Variants in EOGT observed in about 807,000 individuals in gnomAD.
EOGT encodes EGF domain specific O-linked N-acetylglucosamine transferase.
A neutral mutation model predicts 70.5 loss-of-function variants in EOGT; 55 were observed. The observed-to-expected ratio is 0.78, with a 90% CI of 0.63 to 0.98. EOGT has a LOEUF of 0.98. Ranked by LOEUF, EOGT falls within the 50% of genes least tolerant of loss-of-function variation. The pLI is 0.00. For missense variants in EOGT, 703 were observed against 641.9 expected (o/e 1.10, Z -1.03); for synonymous variants, 246 against 217.1 (o/e 1.13, Z -1.17).
At chr3:68,978,004 A>C (rs1002607498) in intron 17 of EOGT, among the ~76,000 whole-genome samples, 3 of 152,250 alleles carry the variant, frequency 2.0e-5, no homozygotes, top group Non-Finnish European at 4.4e-5. Flanking sequence ...GTGCATAAAC[A>C]GACAGGCATG....
chr3:68,988,720 A>G, intron 11 of EOGT, 143 bp from the exon 12 acceptor site: 3 of 650,540 alleles, frequency 4.6e-6, no homozygotes, highest in East Asian at 5.5e-5. Flanking sequence ...AAGAGAACAG[A>G]ATTCATATTT....
At position 68,982,802 on chromosome 3, in the gene EOGT, A is replaced by G. The variant is rs1397976276; in HGVS notation, c.1214+9T>C. ...TTGACAGTGTCTGCTGAGATTGGCTATTACTTACCTATACTTGTAATCAAC... is the reference window on the plus strand; with the variant it reads ...TTGACAGTGTCTGCTGAGATTGGCTGTTACTTACCTATACTTGTAATCAAC... On this transcript the variant is annotated intron_variant, in intron 15 of 17. Transcript: ENST00000383701. 1.9e-6 allele frequency: 3 copies of G among 1,598,084 alleles called. No individual in the cohort carries two copies. Among genetic ancestry groups the G allele is most frequent in the Non-Finnish European group, 2.6e-6 (3 of 1,171,620 alleles).
At chr3:68,997,967 C>A (rs1370394295) in intron 10 of EOGT, 44 bp downstream of exon 10, 2 of 1,138,042 alleles carry the variant, frequency 1.8e-6, no homozygotes, top group South Asian at 2.8e-5. Context: ...CACACTGATA[C>A]AAGGGAAAGA....
At chr3:68,986,201 G>A (rs1474381242) in intron 14 of EOGT, among the ~76,000 whole-genome samples, 2 of 152,148 alleles carry the variant, frequency 1.3e-5, no homozygotes, top group African/African-American at 4.8e-5. Flanking sequence ...GGGCTCACGT[G>A]GATGATCCAA....
chr3:68,985,560 G>A (rs952084963), intron 14 of EOGT, among the ~76,000 whole-genome samples: 4 of 152,070 alleles, frequency 2.6e-5, no homozygotes, highest in Non-Finnish European at 4.4e-5. Context: ...TACCTTTCCT[G>A]GCCTTCTCTA....
At chr3:68,991,734 G>A (rs1011912389) in intron 10 of EOGT, among the ~76,000 whole-genome samples, 9 of 152,138 alleles carry the variant, frequency 5.9e-5, no homozygotes, top group Admixed American at 5.2e-4. Flanking sequence ...TTGAGGCCAG[G>A]AGTTCAAGAC....
chr3:68,997,951 G>A lies in EOGT; in HGVS notation c.831+60C>T. ...TTGAAAATTCTGTTTCACAACATCA[G>A]AGTCACACACTGATACAAGGGAAAG... On this transcript the variant is annotated intron_variant, in intron 10 of 17. Coordinates refer to ENST00000383701, the MANE Select transcript of EOGT (RefSeq NM_001278689.2). 4 of 982,574 alleles carry A rather than the reference G, an allele frequency of 4.1e-6. No homozygotes were observed. The South Asian group carries it at 6.2e-5, about 15-fold the overall frequency. 60.9% of individuals were successfully genotyped at this position (982,574 alleles called of 1,614,324 possible).
In EOGT at chr3:68,994,337, T is replaced by C. The variant is rs151104445; in HGVS notation, c.831+3674A>G. ...TTAGCCTGGGTGACATATTTGCACTTATTAAAATAAAGAGAGTCCTGCAAG... is the reference window on the plus strand; with the variant it reads ...TTAGCCTGGGTGACATATTTGCACTCATTAAAATAAAGAGAGTCCTGCAAG... On this transcript the variant is annotated intron_variant, in intron 10 of 17. Coordinates refer to ENST00000383701, the MANE Select transcript of EOGT (RefSeq NM_001278689.2). Among the ~76,000 whole-genome samples the C allele has an allele frequency of 5.1e-3, 777 of 152,240 alleles. 10 individuals are homozygous for C. The highest frequency in any genetic ancestry group is 0.018 in the African/African-American group (744 of 41,542).
intron 13 of EOGT, 100 bp from the exon 14 acceptor site, chr3:68,987,613 A>C: frequency 1.2e-6 from 1 of 848,840 alleles, no homozygotes; most frequent in Non-Finnish European, 1.9e-6. Flanking sequence ...GATGAAACTC[A>C]ACCAGGATAC....
At chr3:68,998,245 T>G in intron 9 of EOGT, 131 bp from the exon 10 acceptor site, 1 of 611,212 alleles carries the variant, frequency 1.6e-6, no homozygotes. Context: ...AATAACTGTT[T>G]TGTTTTTCCA....
rs763882124 is a variant in EOGT at position 68,975,353 on chromosome 3, C to T, written c.*2265G>A. Reference sequence around the variant, plus strand: ...ACAATTTGAAGACCTTCTGTTCCCACAAAAAGTCTCATAAAATTCCATAAA... The same window carrying T: ...ACAATTTGAAGACCTTCTGTTCCCATAAAAAGTCTCATAAAATTCCATAAA... On this transcript the variant is annotated 3_prime_UTR_variant, in exon 18 of 18. Transcript: ENST00000383701. The T allele has an allele frequency of 5.2e-5, 8 of 152,586 alleles. No individual in the cohort carries two copies. The highest frequency in any genetic ancestry group is 1.2e-4 in the Non-Finnish European group (8 of 68,026). The allele number at this position is 152,586 out of a possible 1,614,324, so 9.5% of individuals were successfully genotyped here.
At position 69,004,416 on chromosome 3, in the gene EOGT, C is replaced by T. The variant is rs778090549; in HGVS notation, c.582G>A (p.Leu194=). 5 of 1,613,994 alleles carry T rather than the reference C, an allele frequency of 3.1e-6. No individual in the cohort carries two copies. Among genetic ancestry groups the T allele is most frequent in the Non-Finnish European group, 4.2e-6 (5 of 1,180,004 alleles). Residue 194 remains leucine, a synonymous_variant, in exon 8 of 18, where the codon TTG becomes TTA. Transcript: ENST00000383701. ...GGCTTTTGCGCTGACCTTCAGACGT[C>T]AATGTACGGATGTCAAGTTTACAGT... The part of the protein sequence containing the change: ...GGHCKLDIRT[L]TSEGQRKSPL...
chr3:68,998,326 A>T lies in EOGT; in HGVS notation c.728-212T>A, dbSNP rs142106444. On this transcript the variant is annotated intron_variant, in intron 9 of 17. Transcript: ENST00000383701. ...TGCCTGGGTTTCAAAAGTCACTCTA[A>T]AATTGGTTATTTAAAATCAGGAATG... 7.4e-3 allele frequency among the ~76,000 whole-genome samples: 1,121 copies of T among 152,332 alleles called. 11 individuals carry two copies. Among genetic ancestry groups the T allele is most frequent in the Non-Finnish European group, 0.012 (829 of 68,024 alleles).
At chr3:69,004,740 C>G (rs1473946916) in intron 7 of EOGT, among the ~76,000 whole-genome samples, 1 of 152,084 alleles carries the variant, frequency 6.6e-6, no homozygotes, top group Non-Finnish European at 1.5e-5. Context: ...TCCCCAACCC[C>G]TCTGCCATAT....
intron 8 of EOGT, among the ~76,000 whole-genome samples, chr3:69,002,851 A>G (rs2091335295): frequency 6.6e-6 from 1 of 152,028 alleles, no homozygotes; most frequent in South Asian, 2.1e-4. Context: ...TTTCTTTTTT[A>G]GAGATGAGGT....
At chr3:69,005,279 A>G in intron 6 of EOGT, 45 bp from the exon 7 acceptor site, 1 of 1,095,952 alleles carries the variant, frequency 9.1e-7, no homozygotes, top group Non-Finnish European at 1.4e-6. Context: ...GTATTAACAC[A>G]GCAAAGACTC....
chr3:68,988,357 G>C lies in EOGT; in HGVS notation c.1021C>G (p.Leu341Val). Residue 341 changes from leucine (L) to valine (V), a missense_variant, in exon 13 of 18, where the codon CTA (leucine) becomes GTA (valine). Physicochemically the swap from Leu to Val is conservative, Grantham distance 32. Transcript: ENST00000383701. Reference protein sequence around the residue: ...PLISGCQNTGLFRAFAQHVLH... With the variant: ...PLISGCQNTGVFRAFAQHVLH... ...ACATGCTGGGCAAATGCCCTGAATA[G>C]TCCAGTATTTTGACAGCCAGATATC... The C allele has an allele frequency of 2.0e-6, 3 of 1,535,914 alleles. No homozygotes were observed. Among genetic ancestry groups the C allele is most frequent in the Non-Finnish European group, 2.6e-6 (3 of 1,146,718 alleles).
chr3:68,994,566 C>T (rs1009769535), intron 10 of EOGT, among the ~76,000 whole-genome samples: 17 of 152,158 alleles, frequency 1.1e-4, no homozygotes, highest in African/African-American at 4.1e-4. Flanking sequence ...CCAAGGCAGG[C>T]GGATCACCTA....
chr3:68,997,334 T>G (rs2091177857), intron 10 of EOGT, among the ~76,000 whole-genome samples: 1 of 151,454 alleles, frequency 6.6e-6, no homozygotes. Context: ...AGGCAAGCAC[T>G]TCCAACATAG....
Sources: gnomAD v4.1 joint callset for allele counts (sites outside exome capture counted in the v4.1 genomes callset) on GRCh38, gnomAD v4.1.1 for gene constraint, MANE v1.5 for transcripts, NCBI Gene and HGNC (gene_info 2026-07-23, HGNC 2026-07-21) for gene names.